Variants in KIAA1549 observed in about 807,000 individuals in gnomAD.
KIAA1549 encodes UPF0606 protein KIAA1549.
KIAA1549 carries 70 observed loss-of-function variants against 156.4 expected under a neutral mutation model. The ratio of observed to expected loss-of-function variants is 0.45; its 90% CI spans 0.37 to 0.55. The LOEUF (loss-of-function observed/expected upper bound fraction) is 0.55, where lower values mean the gene tolerates loss of function less well. Ranked by LOEUF, KIAA1549 falls within the 20% of genes least tolerant of loss-of-function variation. KIAA1549 has a pLI of 0.00. For missense variants in KIAA1549, 2,428 were observed against 2,540.9 expected, an observed-to-expected ratio of 0.96 and a Z score of 0.96; for synonymous variants, 1,103 against 1,066.4, an observed-to-expected ratio of 1.03 and a Z score of -0.67.
intron 2 of KIAA1549, among the ~76,000 whole-genome samples, chr7:138,916,273 C>T (rs1375178479): frequency 6.6e-6 from 1 of 152,178 alleles, no homozygotes; most frequent in Non-Finnish European, 1.5e-5. Context: ...CAACTCATTG[C>T]TTGAATTAAA....
intron 5 of KIAA1549, 145 bp from the exon 6 acceptor site, chr7:138,907,247 G>C: frequency 1.6e-6 from 1 of 630,352 alleles, no homozygotes; most frequent in Non-Finnish European, 2.6e-6. Flanking sequence ...TTCTAACCTG[G>C]TTCCCTTTTG....
rs751078785 is a variant in KIAA1549 at position 138,840,186 on chromosome 7, C to A, written c.5545G>T (p.Gly1849Trp). The A allele has an allele frequency of 1.3e-5, 21 of 1,564,208 alleles. No homozygotes were observed. The East Asian group carries it at 1.4e-4, about 11-fold the overall frequency. ...EIPPSRGSQYGGPGWPSYGED... is the reference protein window; with the variant it reads ...EIPPSRGSQYWGPGWPSYGED... Reference sequence around the variant, plus strand: ...CCGTACGAAGGCCAGCCTGGCCCCCCATACTGGCTGCCTCTGCTTGGCGGG... The same window carrying A: ...CCGTACGAAGGCCAGCCTGGCCCCCAATACTGGCTGCCTCTGCTTGGCGGG... Residue 1849 changes from glycine (G) to tryptophan (W), a missense_variant, in exon 19 of 20, where the codon GGG becomes TGG. Gly to Trp is a radical substitution (Grantham distance 184, BLOSUM62 -2). Coordinates refer to ENST00000422774, the MANE Select transcript of KIAA1549 (RefSeq NM_001164665.2).
intron 1 of KIAA1549, among the ~76,000 whole-genome samples, chr7:138,956,924 T>C (rs1324347446): frequency 1.3e-5 from 2 of 152,044 alleles, no homozygotes; most frequent in African/African-American, 4.8e-5. Flanking sequence ...GTGGAGGGGC[T>C]AAGGCACAAT....
In KIAA1549 at chr7:138,834,811, T is replaced by C. The variant is rs1437499999; in HGVS notation, c.*3095A>G. On this transcript the variant is annotated 3_prime_UTR_variant, in exon 20 of 20. Coordinates refer to ENST00000422774, the MANE Select transcript of KIAA1549 (RefSeq NM_001164665.2). ...CATGCTACATTTTCACAGTGCTTTA[T>C]GCTCCCTCCTCACAGGACATCTGCA... is the stretch of plus-strand genomic sequence containing the variant. 4.3e-6 allele frequency: 1 copy of C among 232,240 alleles called. No homozygotes were observed. Among genetic ancestry groups the C allele is most frequent in the Non-Finnish European group, 8.5e-6 (1 of 117,502 alleles). The allele number at this position is 232,240 out of a possible 1,614,324, so 14.4% of individuals were successfully genotyped here. A position where few individuals can be genotyped will look rare whatever the true frequency, so the allele number is the denominator to read the frequency against.
chr7:138,879,447 A>T lies in KIAA1549; in HGVS notation c.4345+91T>A, dbSNP rs1044993217. On this transcript the variant is annotated intron_variant, in intron 12 of 19. Transcript: ENST00000422774. The stretch of plus-strand genomic sequence containing the variant: ...TTTCCATTTCCCAGATTTCTTTTTT[A>T]AGGGTTTAGCATTTGAAATACTGTA... 3.1e-5 allele frequency: 22 copies of T among 716,974 alleles called. No homozygotes were observed. The African/African-American group carries it at 3.4e-4, about 11-fold the overall frequency. The allele number at this position is 716,974 out of a possible 1,614,324, so 44.4% of individuals were successfully genotyped here.
intron 10 of KIAA1549, among the ~76,000 whole-genome samples, chr7:138,891,348 C>A (rs534511656): frequency 4.6e-5 from 7 of 152,318 alleles, no homozygotes; most frequent in Non-Finnish European, 8.8e-5. Flanking sequence ...TGTGGACTAT[C>A]CCCCATCAGA....
intron 1 of KIAA1549, among the ~76,000 whole-genome samples, chr7:138,941,514 A>G (rs982513898): frequency 1.3e-5 from 2 of 152,246 alleles, no homozygotes; most frequent in South Asian, 4.1e-4. Flanking sequence ...TTCCTGTACT[A>G]GAGTTTCTAC....
chr7:138,885,419 C>G (rs1436557199), intron 10 of KIAA1549, among the ~76,000 whole-genome samples: 1 of 152,146 alleles, frequency 6.6e-6, no homozygotes, highest in Non-Finnish European at 1.5e-5. Context: ...ATAAAACTTC[C>G]CTCCTGCCCC....
At chr7:138,925,079 C>A (rs754289930) in intron 1 of KIAA1549, among the ~76,000 whole-genome samples, 1 of 152,142 alleles carries the variant, frequency 6.6e-6, no homozygotes, top group East Asian at 1.9e-4. Flanking sequence ...GGCACCTGCA[C>A]CTCGCCCTGG....
intron 8 of KIAA1549, among the ~76,000 whole-genome samples, chr7:138,903,215 G>A (rs553556765): frequency 2.6e-5 from 4 of 152,198 alleles, no homozygotes; most frequent in Admixed American, 6.5e-5. Flanking sequence ...ATGATTTATC[G>A]CTATGATGCT....
At chr7:138,860,739 A>G (rs1810546365) in intron 16 of KIAA1549, among the ~76,000 whole-genome samples, 1 of 152,178 alleles carries the variant, frequency 6.6e-6, no homozygotes. Flanking sequence ...GTGACCATAC[A>G]AGAAACTCAA....
intron 1 of KIAA1549, among the ~76,000 whole-genome samples, chr7:138,939,013 CA>C (rs200077841): frequency 0.09 from 13,517 of 150,508 alleles, 786 homozygotes; most frequent in African/African-American, 0.16. Flanking sequence ...GACTCTGTCT[CA>C]AAAAAAAATT....
intron 1 of KIAA1549, among the ~76,000 whole-genome samples, chr7:138,950,864 G>A (rs1296314877): frequency 2.0e-5 from 3 of 148,880 alleles, no homozygotes; most frequent in South Asian, 4.3e-4. Flanking sequence ...CGAGGTCCCC[G>A]ACCACCTCGC....
At chr7:138,859,047 ACACACG>A (rs1203262868) in intron 16 of KIAA1549, among the ~76,000 whole-genome samples, 1 of 147,914 alleles carries the variant, frequency 6.8e-6, no homozygotes, top group Non-Finnish European at 1.5e-5. Context: ...ACACACACAC[ACACACG>A]AACAGAAACT....
intron 9 of KIAA1549, among the ~76,000 whole-genome samples, chr7:138,897,848 A>C (rs1811725270): frequency 6.9e-6 from 1 of 145,414 alleles, no homozygotes; most frequent in Non-Finnish European, 1.5e-5. Flanking sequence ...AGCTACGATC[A>C]AGCCACTGCA....
At chr7:138,950,245 T>C (rs529255589) in intron 1 of KIAA1549, among the ~76,000 whole-genome samples, 1 of 152,338 alleles carries the variant, frequency 6.6e-6, no homozygotes, top group African/African-American at 2.4e-5. Flanking sequence ...ATTAGATCTT[T>C]TATTATAATC....
At chr7:138,937,148 T>C (rs1411617582) in intron 1 of KIAA1549, among the ~76,000 whole-genome samples, 1 of 152,042 alleles carries the variant, frequency 6.6e-6, no homozygotes, top group Non-Finnish European at 1.5e-5. Flanking sequence ...AACCAGCCCA[T>C]GCCCCAGCTA....
chr7:138,866,326 T>G (rs1194071983), intron 15 of KIAA1549, among the ~76,000 whole-genome samples: 10 of 152,238 alleles, frequency 6.6e-5, no homozygotes, highest in African/African-American at 2.4e-4. Flanking sequence ...AGTATAATGT[T>G]TGCACATTTG....
At position 138,917,341 on chromosome 7, in the gene KIAA1549, T is replaced by C. The variant is rs759821454; in HGVS notation, c.2285A>G (p.His762Arg). The C allele has an allele frequency of 5.6e-6, 9 of 1,613,846 alleles. No individual in the cohort carries two copies. In the South Asian group the frequency reaches 6.6e-5, roughly 12 times the overall value. ...TSYLESSLIS[H>R]ESAVTALVPP... ...CACCAGTGCAGTGACTGCGGATTCATGGGAAATGAGTGAAGACTCAAGATA... is the reference window on the plus strand; with the variant it reads ...CACCAGTGCAGTGACTGCGGATTCACGGGAAATGAGTGAAGACTCAAGATA... Residue 762 changes from histidine to arginine, a missense_variant, in exon 2 of 20, where the codon CAT becomes CGT. By Grantham distance (29) the His-to-Arg change is conservative. This residue lies in a region of KIAA1549 where 762 missense variants were observed against 901.6 expected (regional missense o/e 0.85). Coordinates refer to ENST00000422774, the MANE Select transcript of KIAA1549 (RefSeq NM_001164665.2).
Sources: gnomAD v4.1 joint callset for allele counts (sites outside exome capture counted in the v4.1 genomes callset) on GRCh38, gnomAD v4.1.1 for gene constraint, gnomAD v4.1.1 regional missense constraint, MANE v1.5 for transcripts, NCBI Gene and HGNC (gene_info 2026-07-23, HGNC 2026-07-21) for gene names.